Variants in CCSER1 observed in about 807,000 individuals in gnomAD.
CCSER1 encodes coiled-coil serine rich protein 1, also known as serine-rich coiled-coil domain-containing protein 1.
Under a neutral mutation model 82.0 loss-of-function variants are expected in CCSER1, and 41 were observed. The observed-to-expected ratio is 0.50, with a 90% CI of 0.39 to 0.65. CCSER1 has a LOEUF of 0.65. Ranked by LOEUF, CCSER1 falls within the 30% of genes least tolerant of loss-of-function variation. CCSER1 has a pLI of 0.00. For synonymous variants in CCSER1, 414 were observed against 383.9 expected, an observed-to-expected ratio of 1.08 and a Z score of -0.92; for missense variants, 1,119 against 1,064.2, an observed-to-expected ratio of 1.05 and a Z score of -0.72.
chr4:90,630,799 T>G (rs1258442738), intron 6 of CCSER1, among the ~76,000 whole-genome samples: 1 of 151,292 alleles, frequency 6.6e-6, no homozygotes, highest in Non-Finnish European at 1.5e-5. Flanking sequence ...CAATATATTT[T>G]AATATAAAAA....
chr4:90,707,781 G>A (rs1560987852), intron 6 of CCSER1, among the ~76,000 whole-genome samples: 1 of 152,050 alleles, frequency 6.6e-6, no homozygotes, highest in Non-Finnish European at 1.5e-5. Context: ...CAAGGAGGTA[G>A]GGATCATTTG....
At chr4:90,810,208 T>C (rs1455538487) in intron 7 of CCSER1, among the ~76,000 whole-genome samples, 1 of 152,184 alleles carries the variant, frequency 6.6e-6, no homozygotes, top group Non-Finnish European at 1.5e-5. Context: ...GCTATCCTCC[T>C]TCCTTGGCCT....
chr4:91,037,262 A>T (rs769261235), intron 9 of CCSER1, among the ~76,000 whole-genome samples: 4 of 144,862 alleles, frequency 2.8e-5, no homozygotes, highest in Non-Finnish European at 4.5e-5. Context: ...ACACACATAC[A>T]TACACACACA....
intron 1 of CCSER1, among the ~76,000 whole-genome samples, chr4:90,271,842 ATATATATATATATATATATATT>A (rs1169860591): frequency 0.16 from 5,294 of 32,288 alleles, 586 homozygotes; most frequent in African/African-American, 0.35. Context: ...ATATATATAT[ATATATATATATATATATATATT>A]TTTTTTTTTT....
chr4:90,550,842 G>A (rs929684593), intron 5 of CCSER1, among the ~76,000 whole-genome samples: 3 of 152,100 alleles, frequency 2.0e-5, no homozygotes, highest in Admixed American at 6.6e-5. Flanking sequence ...AGTAGATTAC[G>A]TGGTGGCCAT....
At chr4:90,714,050 A>T (rs1741164446) in intron 6 of CCSER1, among the ~76,000 whole-genome samples, 1 of 151,916 alleles carries the variant, frequency 6.6e-6, no homozygotes, top group Admixed American at 6.6e-5. Flanking sequence ...TGGAAATTTC[A>T]GTTGAAAACG....
chr4:91,442,185 C>T (rs1755213902), intron 10 of CCSER1, among the ~76,000 whole-genome samples: 1 of 150,964 alleles, frequency 6.6e-6, no homozygotes. Flanking sequence ...GCCAAAAGAA[C>T]AAAGCTGGAG....
At chr4:91,179,762 C>T (rs181084367) in intron 10 of CCSER1, among the ~76,000 whole-genome samples, 68 of 152,312 alleles carry the variant, frequency 4.5e-4, no homozygotes, top group East Asian at 3.9e-4. Context: ...TCCTTTAGCA[C>T]GGAGAAGTTT....
chr4:90,582,588 T>C (rs918778950), intron 5 of CCSER1, among the ~76,000 whole-genome samples: 1 of 152,202 alleles, frequency 6.6e-6, no homozygotes, highest in Non-Finnish European at 1.5e-5. Context: ...AACACCAATA[T>C]ACAGTCAAAC....
At position 91,549,965 on chromosome 4, in the gene CCSER1, T is replaced by C. The variant is rs556662814; in HGVS notation, c.2218-48607T>C. ...TCCTGCATTAAGTGGGACAACAAGA[T>C]AGTATGTGTTGGAGTTGGTATTTCT... On this transcript the variant is annotated intron_variant, in intron 10 of 10. Transcript: ENST00000509176. 2.6e-5 allele frequency among the ~76,000 whole-genome samples: 4 copies of C among 151,912 alleles called. No individual in the cohort carries two copies. The South Asian group carries it at 8.3e-4, about 32-fold the overall frequency.
intron 7 of CCSER1, among the ~76,000 whole-genome samples, chr4:90,771,504 A>G (rs1342903139): frequency 6.6e-6 from 1 of 150,832 alleles, no homozygotes; most frequent in Non-Finnish European, 1.5e-5. Flanking sequence ...TTAGCTAGAA[A>G]GGTATAACGT....
chr4:90,412,231 C>T (rs141781245), intron 4 of CCSER1, among the ~76,000 whole-genome samples: 2,199 of 147,104 alleles, frequency 0.015, 17 homozygotes, highest in Non-Finnish European at 0.019. Flanking sequence ...AACCAAACAC[C>T]GCATGTTCTC....
intron 9 of CCSER1, among the ~76,000 whole-genome samples, chr4:91,033,790 C>T (rs1179859831): frequency 6.6e-6 from 1 of 152,146 alleles, no homozygotes; most frequent in Non-Finnish European, 1.5e-5. Flanking sequence ...ATTTCTGCTA[C>T]AGCAGCACCG....
intron 4 of CCSER1, among the ~76,000 whole-genome samples, chr4:90,434,031 G>A (rs28380502): frequency 2.1e-4 from 32 of 151,802 alleles, no homozygotes; most frequent in African/African-American, 7.2e-4. Context: ...TATATTATTC[G>A]AAGTTACAAC....
chr4:90,932,095 A>T (rs1049570875), intron 9 of CCSER1, among the ~76,000 whole-genome samples: 1 of 152,172 alleles, frequency 6.6e-6, no homozygotes, highest in Non-Finnish European at 1.5e-5. Context: ...CATTAACCTT[A>T]TGCTCTGTAA....
intron 6 of CCSER1, among the ~76,000 whole-genome samples, chr4:90,643,887 A>G (rs924095056): frequency 6.6e-6 from 1 of 152,334 alleles, no homozygotes; most frequent in Admixed American, 6.5e-5. Context: ...ATCTAAATAA[A>G]TGTTACTTCT....
intron 10 of CCSER1, among the ~76,000 whole-genome samples, chr4:91,152,038 T>C (rs1730265185): frequency 6.6e-6 from 1 of 152,182 alleles, no homozygotes; most frequent in African/African-American, 2.4e-5. Flanking sequence ...TTGTTAACCT[T>C]CTGTCTCGTT....
At chr4:90,193,804 T>G (rs1736089899) in intron 1 of CCSER1, among the ~76,000 whole-genome samples, 1 of 151,976 alleles carries the variant, frequency 6.6e-6, no homozygotes, top group African/African-American at 2.4e-5. Context: ...ATGAAGAAAA[T>G]ATCTATTGAT....
chr4:90,996,853 A>C (rs1302790505), intron 9 of CCSER1, among the ~76,000 whole-genome samples: 2 of 152,176 alleles, frequency 1.3e-5, no homozygotes, highest in African/African-American at 4.8e-5. Context: ...GCTTTCTATT[A>C]CTGAGAAACA....
Sources: allele counts gnomAD v4.1 joint callset (sites outside exome capture counted in the v4.1 genomes callset), GRCh38; gene constraint gnomAD v4.1.1; transcripts MANE v1.5; gene names NCBI Gene and HGNC (gene_info 2026-07-23, HGNC 2026-07-21).